The following PCDH15 variants were observed in gnomAD, a reference collection of about 807,000 sequenced individuals.
PCDH15 encodes the protein protocadherin-15.
PCDH15 carries 129 observed loss-of-function variants against 178.5 expected under a neutral mutation model. The ratio of observed to expected loss-of-function variants is 0.72; its 90% confidence interval spans 0.63 to 0.84. The LOEUF (loss-of-function observed/expected upper bound fraction) is 0.84. PCDH15 is among the 40% of genes least tolerant of loss of function. The pLI is 0.00. For missense variants in PCDH15, 2,230 were observed against 2,099.9 expected, an observed-to-expected ratio of 1.06 and a Z score of -1.21; for synonymous variants, 800 against 732.0, an observed-to-expected ratio of 1.09 and a Z score of -1.50.
chr10:54,868,385 G>C (rs1198011599), intron 3 of PCDH15, among the ~76,000 whole-genome samples: 1 of 152,098 alleles, frequency 6.6e-6, no homozygotes, highest in Non-Finnish European at 1.5e-5. Flanking sequence ...TGAGTAAGTA[G>C]CATGTTTGGA....
intron 1 of PCDH15, among the ~76,000 whole-genome samples, chr10:55,210,116 G>GA (rs1217694045): frequency 1.3e-5 from 2 of 151,116 alleles, no homozygotes; most frequent in Non-Finnish European, 2.9e-5. Flanking sequence ...TAAAAATGAA[G>GA]AAAAAAACAC....
At chr10:55,298,159 T>C (rs1325376145) in intron 1 of PCDH15, among the ~76,000 whole-genome samples, 1 of 152,062 alleles carries the variant, frequency 6.6e-6, no homozygotes, top group Non-Finnish European at 1.5e-5. Context: ...GCCTTTAATA[T>C]CCATGAACAA....
In PCDH15 at chr10:54,023,121, G is replaced by A. The variant is rs770470984; in HGVS notation, c.2297C>T (p.Thr766Ile). Reference sequence around the variant, plus strand: ...TGCTGTGTAAATGCTCCCATTGGATGTGATACGAAAAAGATTATTAAAGTT... The same window carrying A: ...TGCTGTGTAAATGCTCCCATTGGATATGATACGAAAAAGATTATTAAAGTT... ...LGNFNNLFRI[T>I]SNGSIYTAVK... Residue 766 changes from threonine to isoleucine, a missense_variant, in exon 19 of 38, where the codon ACA becomes ATA. Thr to Ile is a moderately conservative substitution (Grantham distance 89). Coordinates refer to ENST00000644397, the MANE Select transcript of PCDH15 (RefSeq NM_001384140.1). 1.9e-6 allele frequency: 3 copies of A among 1,613,890 alleles called. No individual in the cohort carries two copies. The South Asian group carries it at 3.3e-5, about 18-fold the overall frequency.
At chr10:53,988,542 C>T (rs574759676) in intron 21 of PCDH15, among the ~76,000 whole-genome samples, 8 of 152,138 alleles carry the variant, frequency 5.3e-5, no homozygotes, top group South Asian at 2.1e-4. Flanking sequence ...AGAAAATGAA[C>T]GAATTGCAAA....
intron 2 of PCDH15, among the ~76,000 whole-genome samples, chr10:55,333,611 T>G (rs1033091969): frequency 6.6e-6 from 1 of 152,052 alleles, no homozygotes; most frequent in Non-Finnish European, 1.5e-5. Context: ...AGAATTCATA[T>G]ATTTTAGATA....
intron 21 of PCDH15, among the ~76,000 whole-genome samples, chr10:53,987,337 A>G (rs1265799184): frequency 1.3e-5 from 2 of 152,140 alleles, no homozygotes. Context: ...TCATATAAGA[A>G]CTTACAAAGT....
At chr10:53,970,603 G>A in intron 21 of PCDH15, among the ~76,000 whole-genome samples, 1 of 151,758 alleles carries the variant, frequency 6.6e-6, no homozygotes, top group Non-Finnish European at 1.5e-5. Context: ...ATGATAAAGG[G>A]GATATTACCA....
intron 2 of PCDH15, among the ~76,000 whole-genome samples, chr10:54,593,533 T>C (rs1366214552): frequency 6.6e-6 from 1 of 152,160 alleles, no homozygotes; most frequent in Non-Finnish European, 1.5e-5. Context: ...TTAATCTATA[T>C]GTCTGTTTTT....
At chr10:53,882,145 G>GGGAGAGAA in intron 26 of PCDH15, among the ~76,000 whole-genome samples, 1 of 18,912 alleles carries the variant, frequency 5.3e-5, no homozygotes, top group Non-Finnish European at 1.4e-4. Context: ...GCTGAGTGTT[G>GGGAGAGAA]GCAGAGAAGC....
At chr10:54,794,159 A>T (rs1951734542) in intron 1 of PCDH15, among the ~76,000 whole-genome samples, 1 of 148,646 alleles carries the variant, frequency 6.7e-6, no homozygotes, top group African/African-American at 2.4e-5. Flanking sequence ...TCTTAAAGGA[A>T]ATATAATCTA....
chr10:55,379,107 G>GATATATATATATATATATATATATATAT (rs58819126), intron 2 of PCDH15, among the ~76,000 whole-genome samples: 1 of 148,448 alleles, frequency 6.7e-6, no homozygotes, highest in African/African-American at 2.5e-5. Context: ...CACATACATT[G>GATATATATATATATATATATATATATAT]ATATATATAT....
intron 8 of PCDH15, among the ~76,000 whole-genome samples, chr10:54,295,029 T>A (rs562548887): frequency 6.6e-6 from 1 of 152,300 alleles, no homozygotes; most frequent in Non-Finnish European, 1.5e-5. Flanking sequence ...GGTCTTCTGT[T>A]TTTTTGTATA....
At chr10:54,274,678 C>G (rs1192127244) in intron 8 of PCDH15, among the ~76,000 whole-genome samples, 2 of 144,984 alleles carry the variant, frequency 1.4e-5, no homozygotes, top group Admixed American at 1.4e-4. Context: ...CCTAAGCACA[C>G]TGTTAATAAC....
chr10:53,808,344 A>T, intron 37 of PCDH15: 1 of 574,300 alleles, frequency 1.7e-6, no homozygotes, highest in Non-Finnish European at 2.2e-6. Flanking sequence ...ATATATATAT[A>T]TATATATATG....
chr10:54,849,353 A>C (rs1259876270), intron 3 of PCDH15, among the ~76,000 whole-genome samples: 1 of 152,266 alleles, frequency 6.6e-6, no homozygotes, highest in East Asian at 1.9e-4. Flanking sequence ...TAATTATCTT[A>C]TCTGCTTTCT....
At position 54,904,967 on chromosome 10, in the gene PCDH15, C is replaced by T. The variant is rs1430379909; in HGVS notation, c.-79-7467G>A. 2.0e-5 allele frequency among the ~76,000 whole-genome samples: 3 copies of T among 151,190 alleles called. No individual in the cohort carries two copies. In the South Asian group the frequency reaches 6.3e-4, roughly 32 times the overall value. ...TTAGCTTTTGTTCCTTGAGCATCTGCTATGTATCAGGCATTCTCTATTACC... is the reference window on the plus strand; with the variant it reads ...TTAGCTTTTGTTCCTTGAGCATCTGTTATGTATCAGGCATTCTCTATTACC... On this transcript the variant is annotated intron_variant, in intron 2 of 5. Coordinates refer to the PCDH15 transcript ENST00000458638.
intron 10 of PCDH15, among the ~76,000 whole-genome samples, chr10:54,207,982 C>A (rs1591176311): frequency 6.6e-6 from 1 of 151,944 alleles, no homozygotes; most frequent in Non-Finnish European, 1.5e-5. Context: ...CTTCTTGGCC[C>A]TCCATTTTTA....
At chr10:55,189,998 A>G (rs973741746) in intron 1 of PCDH15, among the ~76,000 whole-genome samples, 2 of 151,862 alleles carry the variant, frequency 1.3e-5, no homozygotes, top group Middle Eastern at 3.2e-3. Context: ...GATACATAAA[A>G]TGGAAAATTA....
chr10:54,572,800 A>C (rs2090000239), intron 2 of PCDH15, among the ~76,000 whole-genome samples: 1 of 152,124 alleles, frequency 6.6e-6, no homozygotes, highest in African/African-American at 2.4e-5. Context: ...AAATAAGTTC[A>C]AACAAGTAAC....
Sources: allele counts gnomAD v4.1 joint callset (sites outside exome capture counted in the v4.1 genomes callset), GRCh38; gene constraint gnomAD v4.1.1; transcripts MANE v1.5; gene names NCBI Gene and HGNC (gene_info 2026-07-23, HGNC 2026-07-21).